The following ANKS1B variants were observed in gnomAD, a reference collection of about 807,000 sequenced individuals.
ANKS1B encodes the protein ankyrin repeat and sterile alpha motif domain-containing protein 1B.
A neutral mutation model predicts 148.3 loss-of-function variants in ANKS1B; 36 were observed. The observed-to-expected ratio is 0.24, with a 90% CI of 0.19 to 0.32. ANKS1B has a LOEUF of 0.32. ANKS1B is among the 10% of genes least tolerant of loss of function. ANKS1B has a pLI of 1.00. For synonymous variants in ANKS1B, 542 were observed against 560.8 expected (o/e 0.97, Z 0.47); for missense variants, 1,157 against 1,542.6 (o/e 0.75, Z 4.19).
At chr12:99,961,981 TAAGAA>T (rs991894798) in intron 1 of ANKS1B, among the ~76,000 whole-genome samples, 4 of 152,244 alleles carry the variant, frequency 2.6e-5, no homozygotes, top group Non-Finnish European at 1.5e-5. Context: ...AACAAGATGT[TAAGAA>T]AAGAGTAGAA....
rs1295718949 is a variant in ANKS1B, at chr12:99,512,439, T to G, written c.1273-7798A>C. ...GTTGCAGAAAAAAAAAGGAATGCTT[T>G]CATACTGTTGGTGGGAGTGTAAATT... is the stretch of plus-strand genomic sequence containing the variant. On this transcript the variant is annotated intron_variant, in intron 9 of 26. Transcript: ENST00000683438. Among the ~76,000 whole-genome samples the G allele has an allele frequency of 2.6e-5, 4 of 152,176 alleles. No homozygotes were observed. In the East Asian group the frequency reaches 5.8e-4, roughly 22 times the overall value.
At chr12:99,776,289 A>ATATTGCTT (rs766695871) in intron 6 of ANKS1B, among the ~76,000 whole-genome samples, 1 of 152,188 alleles carries the variant, frequency 6.6e-6, no homozygotes, top group Non-Finnish European at 1.5e-5. Flanking sequence ...TAGCAGCTTA[A>ATATTGCTT]ACTTAAATAT....
At chr12:99,455,221 C>T (rs546630603) in intron 10 of ANKS1B, among the ~76,000 whole-genome samples, 2 of 152,242 alleles carry the variant, frequency 1.3e-5, no homozygotes, top group South Asian at 4.1e-4. Flanking sequence ...AGCACTAGCC[C>T]ACCAGGCCAG....
intron 12 of ANKS1B, among the ~76,000 whole-genome samples, chr12:99,315,012 A>G (rs2083786904): frequency 6.6e-6 from 1 of 152,140 alleles, no homozygotes; most frequent in Non-Finnish European, 1.5e-5. Flanking sequence ...TAGGAGGCTG[A>G]GGCGGGTGGA....
intron 22 of ANKS1B, among the ~76,000 whole-genome samples, chr12:98,793,419 T>C (rs189371302): frequency 1.2e-4 from 18 of 152,144 alleles, no homozygotes; most frequent in African/African-American, 3.6e-4. Context: ...CGTCATGACA[T>C]TGGACTGGGA....
chr12:99,063,865 T>C lies in ANKS1B; in HGVS notation c.2626-10556A>G, dbSNP rs1020765118. Among the ~76,000 whole-genome samples the C allele has an allele frequency of 1.2e-4, 19 of 152,228 alleles. No individual in the cohort carries two copies. In the South Asian group the frequency reaches 1.7e-3, roughly 13 times the overall value. On this transcript the variant is annotated intron_variant, in intron 16 of 26. Transcript: ENST00000683438. ...ATAAACTCTCTGTGTTGTGCATCTGTAGCAAGGGAGGTATACATGTACAAA... is the reference window on the plus strand; with the variant it reads ...ATAAACTCTCTGTGTTGTGCATCTGCAGCAAGGGAGGTATACATGTACAAA...
At chr12:99,614,476 GA>G (rs2097931945) in intron 9 of ANKS1B, among the ~76,000 whole-genome samples, 1 of 104,450 alleles carries the variant, frequency 9.6e-6, no homozygotes, top group South Asian at 3.8e-4. Flanking sequence ...GGAGGGGAGG[GA>G]AGGGGAGGGG....
At chr12:99,030,192 G>A (rs1337331634) in intron 17 of ANKS1B, among the ~76,000 whole-genome samples, 2 of 152,240 alleles carry the variant, frequency 1.3e-5, no homozygotes, top group Admixed American at 6.5e-5. Flanking sequence ...CATGGCTGCA[G>A]TCCCTGTGCA....
rs934098315 is a variant in ANKS1B at position 98,935,223 on chromosome 12, A to G, written c.2779-103087T>C. Among the ~76,000 whole-genome samples the G allele has an allele frequency of 5.3e-5, 8 of 152,196 alleles. No individual in the cohort carries two copies. The East Asian group carries it at 1.5e-3, about 29-fold the overall frequency. ...GAATTTTGTCAATTGATTTTTCAGC[A>G]TCTATTGAGATGATCATATGATTTT... On this transcript the variant is annotated intron_variant, in intron 17 of 26. Coordinates refer to ENST00000683438, the MANE Select transcript of ANKS1B (RefSeq NM_001352186.2).
At chr12:98,911,791 C>T (rs2099787198) in intron 17 of ANKS1B, among the ~76,000 whole-genome samples, 1 of 152,214 alleles carries the variant, frequency 6.6e-6, no homozygotes, top group East Asian at 1.9e-4. Context: ...AGCTGACCCC[C>T]AAGCTCACCC....
chr12:99,341,604 A>C (rs1296870187), intron 12 of ANKS1B, among the ~76,000 whole-genome samples: 2 of 152,110 alleles, frequency 1.3e-5, no homozygotes, highest in East Asian at 3.9e-4. Flanking sequence ...AGCTTCAAGG[A>C]AATCTAGAAA....
chr12:99,197,800 A>G (rs2081560723), intron 14 of ANKS1B, among the ~76,000 whole-genome samples: 1 of 152,130 alleles, frequency 6.6e-6, no homozygotes, highest in African/African-American at 2.4e-5. Context: ...TGGTATTTTG[A>G]TTTTAGCTCA....
In ANKS1B at chr12:98,830,228, A is replaced by G. The variant is rs549226473; in HGVS notation, c.2887-875T>C. ...CTTATATCTTTCTCTCCTTCCATGT[A>G]GCAAAATGAAGGCAAAACAAAAATC... On this transcript the variant is annotated intron_variant, in intron 18 of 26. Transcript: ENST00000683438. Among the ~76,000 whole-genome samples, 7 of 152,284 alleles carry G rather than the reference A, an allele frequency of 4.6e-5. No individual in the cohort carries two copies. In the South Asian group the frequency reaches 1.5e-3, roughly 32 times the overall value.
chr12:99,109,749 C>G (rs1045757068), intron 15 of ANKS1B, among the ~76,000 whole-genome samples: 8 of 152,122 alleles, frequency 5.3e-5, no homozygotes, highest in Non-Finnish European at 1.0e-4. Flanking sequence ...TAGCATTTGT[C>G]TTTATGCACT....
intron 8 of ANKS1B, among the ~76,000 whole-genome samples, chr12:99,760,894 C>A (rs1307104110): frequency 6.7e-6 from 1 of 150,330 alleles, no homozygotes; most frequent in Non-Finnish European, 1.5e-5. Flanking sequence ...ACAAAAAAAA[C>A]CCTCAGAGAC....
intron 8 of ANKS1B, among the ~76,000 whole-genome samples, chr12:99,771,156 C>A (rs999485034): frequency 1.3e-5 from 2 of 152,208 alleles, no homozygotes; most frequent in Admixed American, 6.5e-5. Context: ...ATAAGATATT[C>A]ATTGGGTAAA....
At chr12:99,962,300 T>G (rs1465728301) in intron 1 of ANKS1B, among the ~76,000 whole-genome samples, 1 of 152,166 alleles carries the variant, frequency 6.6e-6, no homozygotes, top group Non-Finnish European at 1.5e-5. Flanking sequence ...AACATGCAGT[T>G]TGGTTTTCTG....
chr12:99,883,342 C>T (rs964790143), intron 1 of ANKS1B, among the ~76,000 whole-genome samples: 6 of 151,834 alleles, frequency 4.0e-5, no homozygotes, highest in Admixed American at 3.9e-4. Context: ...AGCAAAAAAA[C>T]AAACAAACAA....
intron 3 of ANKS1B, among the ~76,000 whole-genome samples, chr12:99,811,654 A>G (rs912128327): frequency 6.6e-6 from 1 of 151,866 alleles, no homozygotes; most frequent in Admixed American, 6.6e-5. Flanking sequence ...GTGTTTGTAT[A>G]TATATATATC....
Sources: gnomAD v4.1 joint callset for allele counts (sites outside exome capture counted in the v4.1 genomes callset) on GRCh38, gnomAD v4.1.1 for gene constraint, MANE v1.5 for transcripts, NCBI Gene and HGNC (gene_info 2026-07-23, HGNC 2026-07-21) for gene names.